Variants in AFF3 observed in about 807,000 individuals in gnomAD.
The protein encoded by AFF3 is ALF transcription elongation factor 3.
Under a neutral mutation model 129.7 loss-of-function variants are expected in AFF3, and 32 were observed. The ratio of observed to expected loss-of-function variants is 0.25; its 90% CI spans 0.19 to 0.33. The LOEUF (loss-of-function observed/expected upper bound fraction) is 0.33, where lower values mean the gene tolerates loss of function less well. AFF3 is among the 10% of genes least tolerant of loss of function. The pLI, the probability that AFF3 is intolerant of heterozygous loss-of-function variation, is 1.00. For synonymous variants in AFF3, 644 were observed against 635.4 expected (o/e 1.01, Z -0.20); for missense variants, 1,373 against 1,592.0 (o/e 0.86, Z 2.34).
At chr2:99,634,160 G>T (rs183362291) in intron 13 of AFF3, among the ~76,000 whole-genome samples, 1 of 152,034 alleles carries the variant, frequency 6.6e-6, no homozygotes, top group Non-Finnish European at 1.5e-5. Context: ...CACCTGCTTC[G>T]GCCTTCCAAA....
At chr2:99,986,643 ACTT>A (rs1321056487) in intron 7 of AFF3, among the ~76,000 whole-genome samples, 1 of 152,204 alleles carries the variant, frequency 6.6e-6, no homozygotes, top group Non-Finnish European at 1.5e-5. Context: ...TTTAAAAATG[ACTT>A]ATTATACTGT....
intron 7 of AFF3, among the ~76,000 whole-genome samples, chr2:99,856,863 A>G: frequency 6.6e-6 from 1 of 152,130 alleles, no homozygotes; most frequent in Admixed American, 6.5e-5. Context: ...ACAGTTTGGA[A>G]GAAAGGATTT....
At chr2:99,702,093 T>A (rs190687605) in intron 11 of AFF3, among the ~76,000 whole-genome samples, 2 of 152,240 alleles carry the variant, frequency 1.3e-5, no homozygotes, top group Non-Finnish European at 2.9e-5. Flanking sequence ...CACGTACAAG[T>A]TGCTGTGTGA....
chr2:99,942,824 C>T (rs1675184402), intron 7 of AFF3, among the ~76,000 whole-genome samples: 1 of 152,076 alleles, frequency 6.6e-6, no homozygotes. Flanking sequence ...GAACCCCACC[C>T]TCTCCACCCA....
At chr2:99,962,884 A>G (rs1204169214) in intron 7 of AFF3, among the ~76,000 whole-genome samples, 1 of 148,314 alleles carries the variant, frequency 6.7e-6, no homozygotes, top group Non-Finnish European at 1.5e-5. Flanking sequence ...TAATAATAAT[A>G]ATAATAATGG....
chr2:99,593,578 T>C lies in AFF3; in HGVS notation c.2083A>G (p.Thr695Ala). The stretch of plus-strand genomic sequence containing the variant: ...CCGGAGGAGGCAGAGGCAGCCACGG[T>C]CTGTGCTTTGGACAGAGGGTACTCC... ...QEEYPLSKAQ[T>A]VAASASSGND... Residue 695 changes from threonine (T) to alanine (A), a missense_variant, in exon 15 of 25, where the codon ACC (threonine) becomes GCC (alanine). Physicochemically the swap from Thr to Ala is moderately conservative, Grantham distance 58. Around this residue, in one of 9 missense-constraint regions of AFF3, gnomAD observed 466 missense variants for 505.0 expected, o/e 0.92. Transcript: ENST00000672756. The C allele has an allele frequency of 6.2e-7, 1 of 1,613,106 alleles. No homozygotes were observed. The highest frequency in any genetic ancestry group is 1.6e-4 in the Middle Eastern group (1 of 6,062).
In AFF3 at chr2:99,549,322, C is replaced by T. The variant is rs1373921713; in HGVS notation, c.*2152G>A. ...TGAAAGGGCTGGGTGTGGTGGCTCA[C>T]GCCTGTAATCACAACACTTTGGGAG... On this transcript the variant is annotated 3_prime_UTR_variant, in exon 25 of 25. Coordinates refer to ENST00000672756, the MANE Select transcript of AFF3 (RefSeq NM_001386135.1). 5.7e-5 allele frequency: 11 copies of T among 192,406 alleles called. No homozygotes were observed. The highest frequency in any genetic ancestry group is 1.9e-4 in the African/African-American group (8 of 43,038). 11.9% of individuals were successfully genotyped at this position (192,406 alleles called of 1,614,324 possible).
At chr2:99,703,914 C>T (rs563186300) in intron 11 of AFF3, among the ~76,000 whole-genome samples, 72 of 152,324 alleles carry the variant, frequency 4.7e-4, no homozygotes, top group African/African-American at 1.6e-3. Flanking sequence ...TCTGAGTACA[C>T]TGCTTTGTAC....
At chr2:99,891,969 C>T (rs186154037) in intron 7 of AFF3, among the ~76,000 whole-genome samples, 448 of 152,268 alleles carry the variant, frequency 2.9e-3, no homozygotes, top group African/African-American at 0.01. Flanking sequence ...ACTACAGGCA[C>T]CCGCCACCAT....
intron 13 of AFF3, among the ~76,000 whole-genome samples, chr2:99,602,626 A>G (rs1323860721): frequency 6.6e-6 from 1 of 152,204 alleles, no homozygotes; most frequent in African/African-American, 2.4e-5. Flanking sequence ...CAAGCTCTAA[A>G]TACCAAAAAT....
chr2:99,961,749 T>C (rs747960052), intron 7 of AFF3, among the ~76,000 whole-genome samples: 6 of 152,132 alleles, frequency 3.9e-5, no homozygotes, highest in East Asian at 1.9e-4. Flanking sequence ...GCCCTGCCAA[T>C]AGAAGAAGGC....
intron 8 of AFF3, among the ~76,000 whole-genome samples, chr2:99,807,104 T>G (rs1207532244): frequency 6.6e-6 from 1 of 152,170 alleles, no homozygotes; most frequent in Non-Finnish European, 1.5e-5. Flanking sequence ...TCCCTTGCAT[T>G]CATCAACAGA....
At chr2:99,600,997 C>A (rs1223389281) in intron 14 of AFF3, among the ~76,000 whole-genome samples, 1 of 152,000 alleles carries the variant, frequency 6.6e-6, no homozygotes, top group Non-Finnish European at 1.5e-5. Flanking sequence ...CGTGACAAAC[C>A]GCAAAAAGGT....
chr2:100,006,596 T>C (rs759963646), intron 7 of AFF3, 36 bp downstream of exon 7: 2 of 1,562,782 alleles, frequency 1.3e-6, no homozygotes, highest in African/African-American at 1.4e-5. Context: ...CTTGTAACTA[T>C]GCAGTTGCAT....
chr2:99,999,080 C>T (rs1559044256), intron 7 of AFF3, among the ~76,000 whole-genome samples: 3 of 152,144 alleles, frequency 2.0e-5, no homozygotes, highest in African/African-American at 7.2e-5. Context: ...CGGGGAAGGA[C>T]TTCTGCTCAT....
At position 99,811,677 on chromosome 2, in the gene AFF3, G is replaced by A. The variant is rs13392309; in HGVS notation, c.921+25800C>T. Among the ~76,000 whole-genome samples the A allele has an allele frequency of 2.9e-3, 436 of 152,318 alleles. 1 individual carries two copies. Among genetic ancestry groups the A allele is most frequent in the African/African-American group, 0.01 (419 of 41,574 alleles). The stretch of plus-strand genomic sequence containing the variant: ...ACCAGATTCTCCCTCCATTAATTCA[G>A]TCTTATCCCTGATCCATGCTTGCAA... On this transcript the variant is annotated intron_variant, in intron 8 of 24. Coordinates refer to ENST00000672756, the MANE Select transcript of AFF3 (RefSeq NM_001386135.1).
At position 99,562,511 on chromosome 2, in the gene AFF3, C is replaced by T. The variant is rs1029888828; in HGVS notation, c.3120-2075G>A. Among the ~76,000 whole-genome samples, 5 of 152,172 alleles carry T rather than the reference C, an allele frequency of 3.3e-5. 1 individual carries two copies. Among genetic ancestry groups the T allele is most frequent in the Non-Finnish European group, 4.4e-5 (3 of 68,028 alleles). Reference sequence around the variant, plus strand: ...TTCCATTTAGTTCTTTTTAAAATAACTTCCATTTCTTTGAAAAGATTTTCT... The same window carrying T: ...TTCCATTTAGTTCTTTTTAAAATAATTTCCATTTCTTTGAAAAGATTTTCT... On this transcript the variant is annotated intron_variant, in intron 20 of 24. Transcript: ENST00000672756.
chr2:99,998,098 A>G (rs1681024196), intron 7 of AFF3, among the ~76,000 whole-genome samples: 1 of 152,210 alleles, frequency 6.6e-6, no homozygotes. Flanking sequence ...TCTGACTTTC[A>G]GGTCTGTCTG....
chr2:99,881,972 G>T (rs1351123286), intron 7 of AFF3, among the ~76,000 whole-genome samples: 1 of 152,170 alleles, frequency 6.6e-6, no homozygotes, highest in Non-Finnish European at 1.5e-5. Flanking sequence ...CTCTGCTGGG[G>T]AGGCACCCAG....
Sources: allele counts gnomAD v4.1 joint callset (sites outside exome capture counted in the v4.1 genomes callset), GRCh38; gene constraint gnomAD v4.1.1; regional missense constraint gnomAD v4.1.1; transcripts MANE v1.5; gene names NCBI Gene and HGNC (gene_info 2026-07-23, HGNC 2026-07-21).